Variants in IGSF11 observed in about 807,000 individuals in gnomAD.
The protein encoded by IGSF11 is CXADR like 1.
IGSF11 carries 22 observed loss-of-function variants against 41.0 expected under a neutral mutation model. The ratio of observed to expected loss-of-function variants is 0.54; its 90% CI spans 0.38 to 0.77. The LOEUF is 0.77. IGSF11 is among the 30% of genes least tolerant of loss of function. The probability of loss-of-function intolerance (pLI) is 0.00; values close to 1 mark genes in which losing one functional copy is unlikely to be tolerated. For missense variants in IGSF11, 444 were observed against 530.8 expected (o/e 0.84, Z 1.61); for synonymous variants, 219 against 201.3 (o/e 1.09, Z -0.74).
At chr3:119,033,300 C>T (rs986867433) in intron 1 of IGSF11, among the ~76,000 whole-genome samples, 1 of 152,178 alleles carries the variant, frequency 6.6e-6, no homozygotes, top group Non-Finnish European at 1.5e-5. Context: ...TCTCTTATTT[C>T]ACACTTAAAA....
intron 5 of IGSF11, among the ~76,000 whole-genome samples, chr3:118,905,170 G>A (rs1359971905): frequency 6.6e-6 from 1 of 152,174 alleles, no homozygotes; most frequent in East Asian, 1.9e-4. Context: ...ACTCCCTTTT[G>A]CAACTGGAAT....
chr3:118,925,271 G>T (rs147004439), intron 4 of IGSF11, among the ~76,000 whole-genome samples: 64 of 152,136 alleles, frequency 4.2e-4, no homozygotes, highest in African/African-American at 1.4e-3. Context: ...GACAGGTGTG[G>T]ACTATCAACA....
chr3:118,976,960 G>T (rs774219767), intron 1 of IGSF11, among the ~76,000 whole-genome samples: 1 of 152,168 alleles, frequency 6.6e-6, no homozygotes, highest in Non-Finnish European at 1.5e-5. Context: ...GAAAAAAAGA[G>T]ATACTGAATT....
chr3:119,061,406 G>A (rs754248615), intron 1 of IGSF11, among the ~76,000 whole-genome samples: 15 of 152,176 alleles, frequency 9.9e-5, no homozygotes, highest in Non-Finnish European at 1.9e-4. Context: ...GCAGGAATCC[G>A]GTGCCATAGA....
At chr3:119,040,350 T>G (rs1203483717) in intron 1 of IGSF11, among the ~76,000 whole-genome samples, 2 of 152,150 alleles carry the variant, frequency 1.3e-5, no homozygotes, top group Non-Finnish European at 2.9e-5. Context: ...AAGTTATCCT[T>G]AAAAACTCTG....
chr3:119,068,988 G>A (rs940584254), intron 1 of IGSF11, among the ~76,000 whole-genome samples: 13 of 143,682 alleles, frequency 9.0e-5, no homozygotes, highest in Admixed American at 2.9e-4. Flanking sequence ...GTGCAGTGGC[G>A]CAATCTCAGC....
chr3:119,096,980 T>C (rs2076862890), intron 1 of IGSF11, among the ~76,000 whole-genome samples: 1 of 152,196 alleles, frequency 6.6e-6, no homozygotes, highest in Non-Finnish European at 1.5e-5. Flanking sequence ...GTACCAAGTT[T>C]TTCTCATGCT....
intron 1 of IGSF11, among the ~76,000 whole-genome samples, chr3:119,053,530 T>C (rs1196481836): frequency 6.6e-6 from 1 of 152,116 alleles, no homozygotes; most frequent in Admixed American, 6.6e-5. Context: ...CACAAACAAA[T>C]GGAAACATAT....
intron 1 of IGSF11, among the ~76,000 whole-genome samples, chr3:119,029,093 T>C (rs775358333): frequency 2.6e-5 from 4 of 151,618 alleles, no homozygotes; most frequent in Admixed American, 6.6e-5. Context: ...CCTATATTAG[T>C]AAACCTTCAT....
chr3:119,124,479 C>G (rs1329660773), intron 1 of IGSF11, among the ~76,000 whole-genome samples: 3 of 150,364 alleles, frequency 2.0e-5, no homozygotes, highest in Non-Finnish European at 4.4e-5. Flanking sequence ...GTTGGTCAGG[C>G]TGGTCTCAAA....
intron 1 of IGSF11, among the ~76,000 whole-genome samples, chr3:119,004,910 G>A (rs1415317890): frequency 6.6e-6 from 1 of 152,048 alleles, no homozygotes; most frequent in African/African-American, 2.4e-5. Context: ...GAATAGGTGT[G>A]GTGTGGTGCT....
chr3:118,968,665 T>G (rs574277919), intron 1 of IGSF11, among the ~76,000 whole-genome samples: 1 of 152,356 alleles, frequency 6.6e-6, no homozygotes, highest in East Asian at 1.9e-4. Context: ...TCGATAACTT[T>G]GAGCAAGTGT....
chr3:119,090,794 C>T (rs2076750076), intron 1 of IGSF11, among the ~76,000 whole-genome samples: 1 of 152,100 alleles, frequency 6.6e-6, no homozygotes, highest in African/African-American at 2.4e-5. Flanking sequence ...GGAAGACAAC[C>T]TAGAAAATAG....
At chr3:118,974,884 C>A (rs998320510) in intron 1 of IGSF11, among the ~76,000 whole-genome samples, 8 of 151,928 alleles carry the variant, frequency 5.3e-5, no homozygotes, top group African/African-American at 1.9e-4. Context: ...CACCTAGTTA[C>A]CATGGTGACA....
chr3:118,950,755 T>C (rs1944512827), intron 1 of IGSF11, among the ~76,000 whole-genome samples: 2 of 152,196 alleles, frequency 1.3e-5, no homozygotes, highest in South Asian at 4.1e-4. Context: ...GAAAATGAAT[T>C]ACTCTGTTCC....
rs911366586 is a variant in IGSF11 at position 119,074,411 on chromosome 3, C to T, written c.49+30733G>A. ...AATTAAACAATCTGCTCCTGAATGA[C>T]TTTTGGGTAAACAATAAAATTAATG... On this transcript the variant is annotated intron_variant, in intron 1 of 6. Transcript: ENST00000354673. Among the ~76,000 whole-genome samples, 12 of 152,056 alleles carry T rather than the reference C, an allele frequency of 7.9e-5. 1 individual carries two copies. Among genetic ancestry groups the T allele is most frequent in the African/African-American group, 2.9e-4 (12 of 41,406 alleles).
intron 1 of IGSF11, among the ~76,000 whole-genome samples, chr3:119,055,172 A>T (rs1410980011): frequency 2.0e-5 from 3 of 152,224 alleles, no homozygotes; most frequent in Non-Finnish European, 2.9e-5. Context: ...CCAAACACCC[A>T]TCTGTACATC....
At chr3:119,013,618 A>G (rs1938375469) in intron 1 of IGSF11, among the ~76,000 whole-genome samples, 1 of 152,260 alleles carries the variant, frequency 6.6e-6, no homozygotes, top group African/African-American at 2.4e-5. Flanking sequence ...TGGGCCAGGC[A>G]CTGTGGTAGA....
chr3:118,939,166 T>A (rs1213079153), intron 1 of IGSF11, among the ~76,000 whole-genome samples: 1 of 152,190 alleles, frequency 6.6e-6, no homozygotes, highest in Non-Finnish European at 1.5e-5. Flanking sequence ...CAGAACATAT[T>A]CTGGACTATA....
Sources: allele counts gnomAD v4.1 joint callset (sites outside exome capture counted in the v4.1 genomes callset), GRCh38; gene constraint gnomAD v4.1.1; transcripts MANE v1.5; gene names NCBI Gene and HGNC (gene_info 2026-07-23, HGNC 2026-07-21).